Variants in ZCCHC7 observed in about 807,000 individuals in gnomAD.
ZCCHC7 encodes the protein zinc finger CCHC domain-containing protein 7.
Under a neutral mutation model 52.0 loss-of-function variants are expected in ZCCHC7, and 35 were observed. That is an observed-to-expected ratio of 0.67 (90% confidence interval 0.51 to 0.89). The LOEUF is 0.89. Among genes scored for constraint, ZCCHC7 ranks in the 40% least tolerant of loss-of-function variants. The pLI is 0.00. For missense variants in ZCCHC7, 574 were observed against 649.1 expected (o/e 0.88, Z 1.26); for synonymous variants, 217 against 221.5 (o/e 0.98, Z 0.18).
At chr9:37,264,459 CTT>C (rs11321898) in intron 2 of ZCCHC7, among the ~76,000 whole-genome samples, 1 of 151,318 alleles carries the variant, frequency 6.6e-6, no homozygotes, top group Non-Finnish European at 1.5e-5. Flanking sequence ...TTTAAATAGT[CTT>C]TTTTTTTGTG....
At chr9:37,247,747 A>C (rs1408687702) in intron 2 of ZCCHC7, among the ~76,000 whole-genome samples, 1 of 151,942 alleles carries the variant, frequency 6.6e-6, no homozygotes, top group Non-Finnish European at 1.5e-5. Context: ...CATCTCTAGA[A>C]AAATAAAAAA....
At chr9:37,325,981 G>A (rs945186792) in intron 5 of ZCCHC7, 2 of 152,176 alleles carry the variant, frequency 1.3e-5, no homozygotes, top group African/African-American at 4.8e-5. Flanking sequence ...AGGTCACATG[G>A]TAGAGTGGCA....
At chr9:37,309,595 A>G (rs971012193) in intron 5 of ZCCHC7, among the ~76,000 whole-genome samples, 4 of 152,200 alleles carry the variant, frequency 2.6e-5, no homozygotes, top group Non-Finnish European at 5.9e-5. Flanking sequence ...TCATTCACAG[A>G]GGATTTCTAA....
chr9:37,320,126 A>G (rs966068464), intron 5 of ZCCHC7, among the ~76,000 whole-genome samples: 6 of 152,236 alleles, frequency 3.9e-5, no homozygotes, highest in Middle Eastern at 3.4e-3. Flanking sequence ...TGCCCAGGCT[A>G]GAGTGCAGTG....
intron 2 of ZCCHC7, among the ~76,000 whole-genome samples, chr9:37,225,478 C>G (rs1357737525): frequency 2.0e-5 from 3 of 151,954 alleles, no homozygotes; most frequent in Non-Finnish European, 4.4e-5. Context: ...AAAACCCAGG[C>G]AAGATACTAC....
chr9:37,164,489 AT>A (rs1821303333), intron 2 of ZCCHC7, among the ~76,000 whole-genome samples: 1 of 150,326 alleles, frequency 6.7e-6, no homozygotes, highest in Admixed American at 6.6e-5. Flanking sequence ...AGATAGATAG[AT>A]AGATAGATAG....
intron 2 of ZCCHC7, among the ~76,000 whole-genome samples, chr9:37,164,335 C>T (rs1821285054): frequency 6.6e-6 from 1 of 152,024 alleles, no homozygotes; most frequent in African/African-American, 2.4e-5. Context: ...ATCCCAGCTC[C>T]TTGGGAGGCT....
intron 2 of ZCCHC7, among the ~76,000 whole-genome samples, chr9:37,264,729 A>G (rs1030235137): frequency 9.2e-5 from 14 of 152,210 alleles, no homozygotes; most frequent in Non-Finnish European, 1.9e-4. Flanking sequence ...AATTACAAGC[A>G]GTAACCAGAT....
intron 2 of ZCCHC7, among the ~76,000 whole-genome samples, chr9:37,277,283 T>G (rs558297824): frequency 6.6e-6 from 1 of 152,320 alleles, no homozygotes; most frequent in African/African-American, 2.4e-5. Context: ...ACTATAAATA[T>G]TTAGTACATA....
intron 6 of ZCCHC7, among the ~76,000 whole-genome samples, chr9:37,347,377 AT>A: frequency 6.6e-6 from 1 of 152,260 alleles, no homozygotes; most frequent in South Asian, 2.1e-4. Context: ...TTTTTAAAAC[AT>A]TTTTTGTTCT....
At chr9:37,216,206 G>C (rs1824495683) in intron 2 of ZCCHC7, among the ~76,000 whole-genome samples, 1 of 152,092 alleles carries the variant, frequency 6.6e-6, no homozygotes, top group South Asian at 2.1e-4. Context: ...TTGTCTCTTA[G>C]AAAGTACATG....
intron 2 of ZCCHC7, among the ~76,000 whole-genome samples, chr9:37,130,456 T>TA (rs1240015391): frequency 6.9e-6 from 1 of 145,698 alleles, no homozygotes; most frequent in East Asian, 2.1e-4. Context: ...TCAGAGTAGC[T>TA]GGGAGTGCAG....
Position 37,357,335 on chromosome 9 carries a change from C to A in ZCCHC7, c.*67C>A. ...GGCCTTTGTGTCTATAACCTTCTGG[C>A]ACTGTGTTTATTATCTATGATTAAA... On this transcript the variant is annotated 3_prime_UTR_variant, in exon 9 of 9. Transcript: ENST00000336755. The A allele has an allele frequency of 1.4e-6, 2 of 1,425,062 alleles. No homozygotes were observed. Among genetic ancestry groups the A allele is most frequent in the Non-Finnish European group, 1.9e-6 (2 of 1,061,948 alleles). 88.3% of individuals were successfully genotyped at this position (1,425,062 alleles called of 1,614,324 possible). A position where few individuals can be genotyped will look rare whatever the true frequency, so the allele number is the denominator to read the frequency against.
intron 2 of ZCCHC7, among the ~76,000 whole-genome samples, chr9:37,262,149 T>C (rs1826895382): frequency 6.6e-6 from 1 of 152,110 alleles, no homozygotes; most frequent in African/African-American, 2.4e-5. Context: ...GTAGAACATA[T>C]TTCAGAGTTA....
chr9:37,233,759 A>G (rs779732638), intron 2 of ZCCHC7, among the ~76,000 whole-genome samples: 4 of 152,348 alleles, frequency 2.6e-5, no homozygotes, highest in Non-Finnish European at 5.9e-5. Flanking sequence ...TGACAGGGTC[A>G]AGAGAAAATG....
At chr9:37,327,389 T>C (rs905740818) in intron 5 of ZCCHC7, 5 of 161,162 alleles carry the variant, frequency 3.1e-5, no homozygotes, top group African/African-American at 1.2e-4. Context: ...TGAAGTCTTC[T>C]TAAAGCAGTT....
chr9:37,140,431 C>T (rs1286116656), intron 2 of ZCCHC7, among the ~76,000 whole-genome samples: 2 of 151,838 alleles, frequency 1.3e-5, no homozygotes, highest in Non-Finnish European at 2.9e-5. Context: ...GTTGTATAAT[C>T]ATATTTTAGC....
At chr9:37,194,861 TTGTA>T (rs1411746294) in intron 2 of ZCCHC7, among the ~76,000 whole-genome samples, 5 of 152,130 alleles carry the variant, frequency 3.3e-5, no homozygotes, top group African/African-American at 1.2e-4. Flanking sequence ...AAGGATGTCT[TTGTA>T]TGTTGTTGAG....
At chr9:37,201,163 C>T (rs950465591) in intron 2 of ZCCHC7, among the ~76,000 whole-genome samples, 3 of 152,046 alleles carry the variant, frequency 2.0e-5, no homozygotes, top group African/African-American at 7.2e-5. Flanking sequence ...AAAAACGATC[C>T]AGAGAGATTT....
Sources: gnomAD v4.1 joint callset for allele counts (sites outside exome capture counted in the v4.1 genomes callset) on GRCh38, gnomAD v4.1.1 for gene constraint, MANE v1.5 for transcripts, NCBI Gene and HGNC (gene_info 2026-07-23, HGNC 2026-07-21) for gene names.